DPEP1: variants seen among roughly 807,000 people sequenced by gnomAD.
DPEP1 encodes dipeptidase 1, also known as beta-lactamase.
Under a neutral mutation model 42.3 loss-of-function variants are expected in DPEP1, and 50 were observed. The ratio of observed to expected loss-of-function variants is 1.18; its 90% CI spans 0.94 to 1.50. The LOEUF is 1.50. Among genes scored for constraint, DPEP1 ranks in the 40% most tolerant of loss-of-function variants. The pLI, the probability that DPEP1 is intolerant of heterozygous loss-of-function variation, is 0.00. For synonymous variants in DPEP1, 297 were observed against 234.0 expected, an observed-to-expected ratio of 1.27 and a Z score of -2.46; for missense variants, 663 against 553.0, an observed-to-expected ratio of 1.20 and a Z score of -1.99.
chr16:89,614,042 C>T (rs1256594301), intron 1 of DPEP1, among the ~76,000 whole-genome samples: 2 of 150,524 alleles, frequency 1.3e-5, no homozygotes, highest in Admixed American at 1.3e-4. Flanking sequence ...AAACTGGGGC[C>T]AGGTGTGTGG....
Position 89,637,497 on chromosome 16 carries a change from C to T in DPEP1, c.798C>T (p.Asn266=), listed in dbSNP as rs1453379793. 5 of 1,612,838 alleles carry T rather than the reference C, an allele frequency of 3.1e-6. No individual in the cohort carries two copies. The South Asian group carries it at 5.5e-5, about 18-fold the overall frequency. The part of the protein sequence containing the change: ...VKQTDSLVMV[N]FYNNYISCTN... ...AGACAGACAGCCTGGTGATGGTGAA[C>T]TTCTACAACAATTACATTTCCTGCA... The change falls in exon 8 of 11, where the codon AAC becomes AAT. Residue 266 remains asparagine (N), a synonymous_variant. Coordinates refer to ENST00000690203, the MANE Select transcript of DPEP1 (RefSeq NM_001389466.1).
chr16:89,620,557 G>C (rs769563539), intron 1 of DPEP1: 5 of 152,286 alleles, frequency 3.3e-5, no homozygotes, highest in African/African-American at 1.2e-4. Context: ...ACAAGAACCA[G>C]CTGACATGTG....
intron 1 of DPEP1, among the ~76,000 whole-genome samples, chr16:89,613,927 GGGA>G (rs2059355258): frequency 2.1e-5 from 1 of 47,408 alleles, no homozygotes; most frequent in South Asian, 4.9e-4. Context: ...CTAGGAGGCT[GGGA>G]CCAGGTGTGT....
At chr16:89,620,059 G>T (rs1334811111) in intron 1 of DPEP1, among the ~76,000 whole-genome samples, 1 of 150,152 alleles carries the variant, frequency 6.7e-6, no homozygotes, top group African/African-American at 2.5e-5. Context: ...TCCAAAGCCA[G>T]CCTGGTCTCC....
downstream of DPEP1, chr16:89,640,500 GC>G (rs2059735172): frequency 1.1e-6 from 1 of 918,046 alleles, no homozygotes; most frequent in South Asian, 5.1e-5. Context: ...TGGAGCAGCA[GC>G]CCCTGCAGGC....
intron 1 of DPEP1, among the ~76,000 whole-genome samples, chr16:89,614,528 C>T (rs560371989): frequency 1.3e-5 from 2 of 152,350 alleles, no homozygotes; most frequent in East Asian, 1.9e-4. Context: ...GGCGCGGTGG[C>T]TCACGCCTGT....
At chr16:89,636,777 G>C (rs1005883256) in intron 5 of DPEP1, 89 bp from the exon 6 acceptor site, 10 of 1,601,300 alleles carry the variant, frequency 6.2e-6, no homozygotes, top group Admixed American at 3.4e-5. Flanking sequence ...CCCTCTGCCT[G>C]TGAGTCCCAG....
intron 2 of DPEP1, among the ~76,000 whole-genome samples, chr16:89,631,839 AG>A: frequency 6.6e-6 from 1 of 152,178 alleles, no homozygotes; most frequent in African/African-American, 2.4e-5. Flanking sequence ...CCTGGGCAAC[AG>A]AGTGAGACTC....
chr16:89,638,497 G>A, downstream of DPEP1: 1 of 1,263,588 alleles, frequency 7.9e-7, no homozygotes, highest in East Asian at 3.4e-5. Context: ...AATGGCTCCT[G>A]GTTGGACGTG....
chr16:89,621,797 T>C (rs2059449615), intron 1 of DPEP1, among the ~76,000 whole-genome samples: 1 of 152,186 alleles, frequency 6.6e-6, no homozygotes, highest in South Asian at 2.1e-4. Context: ...ATGTCTGTTC[T>C]AGGTACGCGG....
At chr16:89,625,010 C>T (rs761483099) in intron 1 of DPEP1, among the ~76,000 whole-genome samples, 4 of 151,776 alleles carry the variant, frequency 2.6e-5, no homozygotes, top group Non-Finnish European at 4.4e-5. Context: ...GGGGGCTGTA[C>T]GAGAGCAGCC....
At position 89,630,484 on chromosome 16, in the gene DPEP1, G is replaced by A. The variant is rs769453541; in HGVS notation, c.74G>A (p.Arg25Lys). 8 of 1,605,996 alleles carry A rather than the reference G, an allele frequency of 5.0e-6. No homozygotes were observed. The highest frequency in any genetic ancestry group is 1.7e-4 in the Middle Eastern group (1 of 6,044). Residue 25 changes from arginine to lysine, a missense_variant, in exon 2 of 11, where the codon AGG (arginine) becomes AAG (lysine). Arg to Lys is a conservative substitution (Grantham distance 26). Coordinates refer to ENST00000690203, the MANE Select transcript of DPEP1 (RefSeq NM_001389466.1). Reference protein sequence around the residue: ...TADFFRDEAERIMRDSPVIDG... With the variant: ...TADFFRDEAEKIMRDSPVIDG... The stretch of plus-strand genomic sequence containing the variant: ...GACTTCTTTCGGGACGAGGCAGAGA[G>A]GATCATGAGGGACTCCCCTGTCATT...
chr16:89,614,590 C>G (rs183157553), intron 1 of DPEP1, among the ~76,000 whole-genome samples: 3 of 152,196 alleles, frequency 2.0e-5, no homozygotes, highest in Non-Finnish European at 2.9e-5. Context: ...GTCAGGAGAT[C>G]GAGACCATCC....
rs1041665918 is a variant in DPEP1, at chr16:89,637,577, G to T, written c.853+25G>T. ...GGTAGGTGGGGTGTGAGCGGCCAAG[G>T]GGGCCGAAGGGGGAGGGCCTCACTC... On this transcript the variant is annotated intron_variant, in intron 8 of 10. Transcript: ENST00000690203. 6.2e-6 allele frequency: 10 copies of T among 1,612,712 alleles called. No individual in the cohort carries two copies. The African/African-American group carries it at 9.3e-5, about 15-fold the overall frequency.
intron 3 of DPEP1, 26 bp downstream of exon 3, chr16:89,636,066 G>T: frequency 6.3e-7 from 1 of 1,592,624 alleles, no homozygotes; most frequent in African/African-American, 1.3e-5. Flanking sequence ...CCTTGTGCTT[G>T]CCCTGTGTGG....
In DPEP1 at chr16:89,637,346, G is replaced by A. The variant is rs137960330; in HGVS notation, c.734G>A (p.Arg245Gln). The change falls in exon 7 of 11, where the codon CGG becomes CAG. Residue 245 changes from arginine to glutamine, a missense_variant. Physicochemically the swap from Arg to Gln is conservative, Grantham distance 43 (BLOSUM62 1). Coordinates refer to ENST00000690203, the MANE Select transcript of DPEP1 (RefSeq NM_001389466.1). ...TCGGCCTACAGCGTGTGCGCAAGCC[G>A]GCGCAACGTGCCTGACGACGTCCTG... ...HSSAYSVCASRRNVPDDVLRL... is the reference protein window; with the variant it reads ...HSSAYSVCASQRNVPDDVLRL... 3.3e-5 allele frequency: 53 copies of A among 1,612,216 alleles called. No homozygotes were observed. Among genetic ancestry groups the A allele is most frequent in the East Asian group, 6.7e-5 (3 of 44,894 alleles).
At chr16:89,624,692 G>A (rs762682082) in intron 1 of DPEP1, among the ~76,000 whole-genome samples, 1 of 151,926 alleles carries the variant, frequency 6.6e-6, no homozygotes, top group Non-Finnish European at 1.5e-5. Flanking sequence ...CCGCAACCAC[G>A]CCCGGCTAAT....
At chr16:89,636,724 G>A in intron 5 of DPEP1, 41 bp downstream of exon 5, 3 of 1,608,088 alleles carry the variant, frequency 1.9e-6, no homozygotes, top group South Asian at 1.1e-5. Flanking sequence ...CTGTGGTCAG[G>A]AGGGAGGGGG....
intron 1 of DPEP1, among the ~76,000 whole-genome samples, chr16:89,622,080 G>T (rs945289773): frequency 9.2e-5 from 14 of 152,188 alleles, no homozygotes; most frequent in African/African-American, 3.4e-4. Context: ...TGAGGAGAGC[G>T]TGTGGGGTGG....
Sources: allele counts gnomAD v4.1 joint callset (sites outside exome capture counted in the v4.1 genomes callset), GRCh38; gene constraint gnomAD v4.1.1; transcripts MANE v1.5; gene names NCBI Gene and HGNC (gene_info 2026-07-23, HGNC 2026-07-21).